PACRG: variants seen among roughly 807,000 people sequenced by gnomAD.
PACRG encodes the protein parkin coregulated.
PACRG carries 29 observed loss-of-function variants against 29.7 expected under a neutral mutation model. The ratio of observed to expected loss-of-function variants is 0.98; its 90% CI spans 0.73 to 1.33. The LOEUF is 1.33. Ranked by LOEUF, PACRG falls within the 40% of genes most tolerant of loss-of-function variation. The probability of loss-of-function intolerance (pLI) is 0.00; values close to 1 mark genes in which losing one functional copy is unlikely to be tolerated. For synonymous variants in PACRG, 116 were observed against 118.7 expected (o/e 0.98, Z 0.15); for missense variants, 279 against 316.2 (o/e 0.88, Z 0.89).
At chr6:163,283,807 CAAA>C (rs11342579) in intron 4 of PACRG, among the ~76,000 whole-genome samples, 14 of 100,288 alleles carry the variant, frequency 1.4e-4, no homozygotes, top group African/African-American at 1.1e-4. Context: ...GACTCCGTCT[CAAA>C]AAAAAAAAAA....
chr6:162,859,888 A>C (rs1791712486), intron 2 of PACRG, among the ~76,000 whole-genome samples: 1 of 152,062 alleles, frequency 6.6e-6, no homozygotes, highest in Non-Finnish European at 1.5e-5. Context: ...GTCACAGAAA[A>C]CTTTTGTTAC....
intron 4 of PACRG, among the ~76,000 whole-genome samples, chr6:163,144,369 C>T (rs55831613): frequency 3.3e-5 from 5 of 150,246 alleles, no homozygotes; most frequent in African/African-American, 1.2e-4. Flanking sequence ...CACACACACA[C>T]AGTTATATTA....
rs973183632 is a variant in PACRG at position 163,063,768 on chromosome 6, G to C, written c.463+1447G>C. Among the ~76,000 whole-genome samples the C allele has an allele frequency of 7.9e-5, 12 of 152,212 alleles. 1 individual carries two copies. Among genetic ancestry groups the C allele is most frequent in the African/African-American group, 2.6e-4 (11 of 41,540 alleles). ...TGCTACCTGATGTGCGAGTAACACA[G>C]AGAGAAAAGAGACTCTGAAAAGGGG... On this transcript the variant is annotated intron_variant, in intron 3 of 4. Transcript: ENST00000366888.
At chr6:163,178,408 T>G (rs1317276865) in intron 4 of PACRG, among the ~76,000 whole-genome samples, 1 of 152,140 alleles carries the variant, frequency 6.6e-6, no homozygotes. Flanking sequence ...TCCTTCTCCT[T>G]CCTGCAGCCT....
chr6:163,067,087 T>C (rs1811611157), intron 3 of PACRG, among the ~76,000 whole-genome samples: 1 of 152,224 alleles, frequency 6.6e-6, no homozygotes, highest in Non-Finnish European at 1.5e-5. Flanking sequence ...CTTCCTGACC[T>C]TTGACTTTAA....
At chr6:163,180,116 G>T (rs1294395815) in intron 4 of PACRG, among the ~76,000 whole-genome samples, 1 of 152,214 alleles carries the variant, frequency 6.6e-6, no homozygotes. Context: ...TCCTTTCCAA[G>T]CCATACATAA....
chr6:163,197,602 C>G (rs376991192), intron 4 of PACRG, among the ~76,000 whole-genome samples: 188 of 133,236 alleles, frequency 1.4e-3, no homozygotes, highest in African/African-American at 5.1e-3. Flanking sequence ...CGCCACCACG[C>G]CCGGCTAATT....
At chr6:162,878,633 C>T (rs1793573529) in intron 2 of PACRG, among the ~76,000 whole-genome samples, 1 of 152,136 alleles carries the variant, frequency 6.6e-6, no homozygotes, top group Admixed American at 6.5e-5. Context: ...CAGATGGTTA[C>T]CCATGTTATA....
chr6:163,301,928 C>T (rs7756500), intron 4 of PACRG, among the ~76,000 whole-genome samples: 2 of 152,026 alleles, frequency 1.3e-5, no homozygotes, highest in East Asian at 1.9e-4. Flanking sequence ...AACAAGAGCA[C>T]GCCTCCGCCC....
At chr6:163,013,155 G>A (rs999649252) in intron 2 of PACRG, among the ~76,000 whole-genome samples, 7 of 151,772 alleles carry the variant, frequency 4.6e-5, no homozygotes, top group African/African-American at 1.2e-4. Context: ...TTGGCTTTGA[G>A]AAAATTTAAA....
At chr6:162,912,324 G>A (rs982222264) in intron 2 of PACRG, among the ~76,000 whole-genome samples, 16 of 152,104 alleles carry the variant, frequency 1.1e-4, no homozygotes, top group Non-Finnish European at 2.2e-4. Context: ...TTATGAACTT[G>A]AAGTCTTCTT....
chr6:163,167,771 A>T (rs1778882250), intron 4 of PACRG, among the ~76,000 whole-genome samples: 1 of 152,220 alleles, frequency 6.6e-6, no homozygotes, highest in Admixed American at 6.5e-5. Flanking sequence ...CTCTGAAAAA[A>T]TTTAAAGCTC....
In PACRG at chr6:163,177,678, A is replaced by G. The variant is rs182599931; in HGVS notation, c.613+88270A>G. Among the ~76,000 whole-genome samples the G allele has an allele frequency of 8.9e-4, 131 of 146,742 alleles. 1 individual carries two copies. Among genetic ancestry groups the G allele is most frequent in the African/African-American group, 3.2e-3 (128 of 39,544 alleles). On this transcript the variant is annotated intron_variant, in intron 4 of 4. Coordinates refer to ENST00000366888, the MANE Select transcript of PACRG (RefSeq NM_001080379.2). ...AACTGGGATAATGGAAGGAGAGACT[A>G]AAAGAGTGTTAGCTAAGAAATTAGA...
intron 4 of PACRG, among the ~76,000 whole-genome samples, chr6:163,120,782 G>C (rs1816230888): frequency 6.6e-6 from 1 of 152,130 alleles, no homozygotes; most frequent in South Asian, 2.1e-4. Flanking sequence ...GGCATCCCTG[G>C]ATGAGTTCTG....
intron 2 of PACRG, among the ~76,000 whole-genome samples, chr6:162,928,758 T>C (rs1797632622): frequency 6.6e-6 from 1 of 151,812 alleles, no homozygotes; most frequent in Non-Finnish European, 1.5e-5. Context: ...GTTTTTATTT[T>C]CTCCCCCTAC....
intron 4 of PACRG, among the ~76,000 whole-genome samples, chr6:163,159,349 A>G (rs1463662150): frequency 6.7e-6 from 1 of 149,056 alleles, no homozygotes; most frequent in African/African-American, 2.4e-5. Flanking sequence ...AAAATAATAA[A>G]TGATTTATTA....
chr6:162,789,535 G>A (rs1275778986), intron 1 of PACRG, among the ~76,000 whole-genome samples: 1 of 152,028 alleles, frequency 6.6e-6, no homozygotes, highest in Non-Finnish European at 1.5e-5. Context: ...GTTTCACTAA[G>A]GATCATTTTT....
At chr6:163,012,703 A>G (rs1311443219) in intron 2 of PACRG, among the ~76,000 whole-genome samples, 1 of 152,346 alleles carries the variant, frequency 6.6e-6, no homozygotes, top group Non-Finnish European at 1.5e-5. Flanking sequence ...TTTACTGGAG[A>G]AAGGACTGAA....
intron 3 of PACRG, among the ~76,000 whole-genome samples, chr6:163,071,502 A>G (rs1812047919): frequency 6.6e-6 from 1 of 152,112 alleles, no homozygotes; most frequent in African/African-American, 2.4e-5. Context: ...GTGGTAATGG[A>G]TACACAACAT....
Sources: allele counts gnomAD v4.1 joint callset (sites outside exome capture counted in the v4.1 genomes callset), GRCh38; gene constraint gnomAD v4.1.1; transcripts MANE v1.5; gene names NCBI Gene and HGNC (gene_info 2026-07-23, HGNC 2026-07-21).